Variants in FGF13 observed in about 807,000 individuals in gnomAD.
FGF13 encodes fibroblast growth factor 13.
FGF13 carries 2 observed loss-of-function variants against 19.5 expected under a neutral mutation model. That is an observed-to-expected ratio of 0.10 (90% confidence interval 0.04 to 0.32). The LOEUF (loss-of-function observed/expected upper bound fraction) is 0.32, where lower values mean the gene tolerates loss of function less well. Ranked by LOEUF, FGF13 falls within the 10% of genes least tolerant of loss-of-function variation. FGF13 has a pLI of 1.00. For missense variants in FGF13, 113 were observed against 192.7 expected (o/e 0.59, Z 2.45); for synonymous variants, 72 against 76.9 (o/e 0.94, Z 0.33).
intron 1 of FGF13, among the ~76,000 whole-genome samples, chrX:138,889,604 C>A (rs1162254563): frequency 8.9e-6 from 1 of 111,855 alleles, no homozygotes; most frequent in East Asian, 2.8e-4. Flanking sequence ...GCTTTCACAA[C>A]CCATCCCATA....
chrX:139,068,736 C>G (rs1306916002), intron 1 of FGF13, among the ~76,000 whole-genome samples: 1 of 109,609 alleles, frequency 9.1e-6, no homozygotes, highest in African/African-American at 3.3e-5. Context: ...GTATTTTATT[C>G]TCTTTGAAGC....
rs192642882 is a variant in FGF13, at chrX:139,045,001, A to T, written c.-113+158415T>A. On this transcript the variant is annotated intron_variant, in intron 1 of 2. Transcript: ENST00000421460. The stretch of plus-strand genomic sequence containing the variant: ...TTTTCCCTGTGCACTGTCCTAGTAG[A>T]TGTTCTCTGTGGGGGCTCTGCCCCT... Among the ~76,000 whole-genome samples, 6 of 111,980 alleles carry T rather than the reference A, an allele frequency of 5.4e-5. 1 individual carries two copies. Among genetic ancestry groups the T allele is most frequent in the African/African-American group, 2.0e-4 (6 of 30,688 alleles).
intron 1 of FGF13, among the ~76,000 whole-genome samples, chrX:139,067,341 T>C (rs745629385): frequency 1.4e-4 from 16 of 111,739 alleles, no homozygotes; most frequent in Admixed American, 2.8e-4. Flanking sequence ...GGAAGTCAAA[T>C]TGTCCCTGTT....
chrX:139,128,212 C>T (rs773276994), intron 1 of FGF13, among the ~76,000 whole-genome samples: 14 of 110,860 alleles, frequency 1.3e-4, no homozygotes, highest in Non-Finnish European at 1.9e-4. Context: ...ATCCCTGCCT[C>T]ATCTTCCAAA....
chrX:138,744,562 A>T (rs1347695576), intron 3 of FGF13, among the ~76,000 whole-genome samples: 2 of 111,482 alleles, frequency 1.8e-5, no homozygotes, highest in African/African-American at 6.5e-5. Context: ...CTTCTTGCCC[A>T]TTCACTTGTC....
chrX:139,148,502 A>G (rs1233409017), intron 1 of FGF13, among the ~76,000 whole-genome samples: 2 of 110,106 alleles, frequency 1.8e-5, no homozygotes, highest in Non-Finnish European at 3.8e-5. Flanking sequence ...AAGGGAAAGA[A>G]TGACTGAAAA....
At chrX:138,741,604 C>G (rs748903847), upstream of FGF13, among the ~76,000 whole-genome samples, 12 of 111,396 alleles carry the variant, frequency 1.1e-4, no homozygotes, top group East Asian at 3.4e-3. Context: ...CTATTCTCCT[C>G]GTCATCAGAG....
At chrX:138,783,831 C>T (rs1435040587) in intron 3 of FGF13, among the ~76,000 whole-genome samples, 3 of 110,246 alleles carry the variant, frequency 2.7e-5, no homozygotes, top group Admixed American at 9.7e-5. Flanking sequence ...ACCCAAAGGA[C>T]TATAAATCAT....
rs1473165198 is a variant in FGF13, at chrX:138,616,975, G to A, written c.*15875C>T. On this transcript the variant is annotated 3_prime_UTR_variant, in exon 5 of 5. Transcript: ENST00000315930. Reference sequence around the variant, plus strand: ...GCAAAGAGCAAGGGGGGGTGCCTGAGGCCTGGCCCACTAAACCATTTTTTT... The same window carrying A: ...GCAAAGAGCAAGGGGGGGTGCCTGAAGCCTGGCCCACTAAACCATTTTTTT... 2.7e-5 allele frequency: 3 copies of A among 111,915 alleles called. No homozygotes were observed. Among genetic ancestry groups the A allele is most frequent in the Non-Finnish European group, 5.6e-5 (3 of 53,213 alleles). The allele number at this position is 111,915 out of a possible 1,213,427, so 9.2% of individuals were successfully genotyped here. A position where few individuals can be genotyped will look rare whatever the true frequency, so the allele number is the denominator to read the frequency against.
rs142905257 is a variant in FGF13, at chrX:139,192,951, T to C, written c.-113+10465A>G. Among the ~76,000 whole-genome samples, 963 of 112,094 alleles carry C rather than the reference T, an allele frequency of 8.6e-3. 3 individuals carry two copies. The highest frequency in any genetic ancestry group is 0.033 in the Middle Eastern group (7 of 215). ...TTATCCATGAAGGCAGGGATAGTTA[T>C]CTGTTCCGCTCACTGCTGTATTCTC... On this transcript the variant is annotated intron_variant, in intron 1 of 2. Coordinates refer to the FGF13 transcript ENST00000421460.
intron 1 of FGF13, among the ~76,000 whole-genome samples, chrX:139,192,432 A>G (rs114862282): frequency 0.032 from 3,628 of 112,030 alleles, 158 homozygotes; most frequent in African/African-American, 0.11. Context: ...AAGTCAGATT[A>G]CCATCTCTTT....
chrX:138,826,690 A>AT (rs2091036560), intron 3 of FGF13, among the ~76,000 whole-genome samples: 2 of 112,472 alleles, frequency 1.8e-5, no homozygotes, highest in African/African-American at 6.5e-5. Context: ...AGAAAGGTGC[A>AT]TATGAATCAA....
At chrX:139,100,845 C>T (rs1044150764) in intron 1 of FGF13, among the ~76,000 whole-genome samples, 4 of 110,485 alleles carry the variant, frequency 3.6e-5, no homozygotes, top group African/African-American at 9.9e-5. Context: ...TACGTGGTCC[C>T]GTAGGTGGTT....
rs139868858 is a variant in FGF13 at position 139,166,478 on chromosome X, T to C, written c.-113+36938A>G. 1.8e-4 allele frequency among the ~76,000 whole-genome samples: 20 copies of C among 111,998 alleles called. No individual in the cohort carries two copies. The East Asian group carries it at 5.4e-3, about 30-fold the overall frequency. Reference sequence around the variant, plus strand: ...TATGTCTTTATTAGCAGTGTGAGAATGGACTAATATAGTGCTGAAATAAAT... The same window carrying C: ...TATGTCTTTATTAGCAGTGTGAGAACGGACTAATATAGTGCTGAAATAAAT... On this transcript the variant is annotated intron_variant, in intron 1 of 2. Transcript: ENST00000421460.
intron 1 of FGF13, among the ~76,000 whole-genome samples, chrX:138,968,279 C>A (rs1004757209): frequency 8.9e-6 from 1 of 112,140 alleles, no homozygotes. Flanking sequence ...ATATTCATTT[C>A]TCCCATACTT....
At chrX:139,093,986 C>A (rs73566169) in intron 1 of FGF13, among the ~76,000 whole-genome samples, 7,673 of 111,611 alleles carry the variant, frequency 0.069, 317 homozygotes, top group African/African-American at 0.14. Context: ...ATGACTTGAC[C>A]AAAGTCACTT....
chrX:139,054,441 T>A (rs1329377263), intron 1 of FGF13, among the ~76,000 whole-genome samples: 2 of 111,697 alleles, frequency 1.8e-5, no homozygotes. Flanking sequence ...TGCCTATTTT[T>A]ATACCAGTAC....
At chrX:138,791,329 T>C (rs1333365443) in intron 3 of FGF13, among the ~76,000 whole-genome samples, 1 of 112,179 alleles carries the variant, frequency 8.9e-6, no homozygotes, top group Admixed American at 9.4e-5. Context: ...CTGATGGCTG[T>C]AGTTAGTCAC....
chrX:139,138,436 A>G (rs1301171875), intron 1 of FGF13, among the ~76,000 whole-genome samples: 1 of 111,933 alleles, frequency 8.9e-6, no homozygotes, highest in Non-Finnish European at 1.9e-5. Flanking sequence ...TTCTGCACCA[A>G]GGACAAAAAG....
Sources: gnomAD v4.1 joint callset for allele counts (sites outside exome capture counted in the v4.1 genomes callset) on GRCh38, gnomAD v4.1.1 for gene constraint, MANE v1.5 for transcripts, NCBI Gene and HGNC (gene_info 2026-07-23, HGNC 2026-07-21) for gene names.